MYOM2: variants seen among roughly 807,000 people sequenced by gnomAD.
The protein encoded by MYOM2 is myomesin-2.
Under a neutral mutation model 187.6 loss-of-function variants are expected in MYOM2, and 254 were observed. That is an observed-to-expected ratio of 1.35 (90% confidence interval 1.22 to 1.50). The LOEUF is 1.50. Ranked by LOEUF, MYOM2 falls within the 40% of genes most tolerant of loss-of-function variation. MYOM2 has a pLI of 0.00. For missense variants in MYOM2, 2,796 were observed against 1,924.0 expected (o/e 1.45, Z -8.48); for synonymous variants, 981 against 753.8 (o/e 1.30, Z -4.94).
Position 2,068,150 on chromosome 8 carries a change from G to A in MYOM2, c.654-1128G>A, listed in dbSNP as rs1157301734. Among the ~76,000 whole-genome samples, 4 of 151,940 alleles carry A rather than the reference G, an allele frequency of 2.6e-5. No individual in the cohort carries two copies. In the East Asian group the frequency reaches 7.8e-4, roughly 29 times the overall value. Reference sequence around the variant, plus strand: ...TGTGCGCCAGGCAGAGAGCATACCGGGGGGCGGCAGCTCTTCAATGCCTGT... The same window carrying A: ...TGTGCGCCAGGCAGAGAGCATACCGAGGGGCGGCAGCTCTTCAATGCCTGT... On this transcript the variant is annotated intron_variant, in intron 6 of 36. Coordinates refer to ENST00000262113, the MANE Select transcript of MYOM2 (RefSeq NM_003970.4).
chr8:2,073,458 C>G lies in MYOM2; in HGVS notation c.1078C>G (p.Arg360Gly), dbSNP rs371691940. ...CCTGTACACCCTGCGCATCGTGTCTCGGGGCGGCGTCAGCGACCACAGCGC... is the reference window on the plus strand; with the variant it reads ...CCTGTACACCCTGCGCATCGTGTCTGGGGGCGGCGTCAGCGACCACAGCGC... ...EGLYTLRIVSRGGVSDHSAFL... is the reference protein window; with the variant it reads ...EGLYTLRIVSGGGVSDHSAFL... The change falls in exon 10 of 37, where the codon CGG becomes GGG. Residue 360 changes from arginine to glycine, a missense_variant. By Grantham distance (125) the Arg-to-Gly change is moderately radical. Transcript: ENST00000262113. 4.3e-6 allele frequency: 7 copies of G among 1,610,222 alleles called. No homozygotes were observed. The highest frequency in any genetic ancestry group is 3.3e-5 in the Admixed American group (2 of 59,888).
In MYOM2 at chr8:2,115,964, A is replaced by C. The variant is rs368519542; in HGVS notation, c.3185A>C (p.His1062Pro). ...NDREVSDSEI[H>P]RIKCDKATGI... ...TTTCCCTTGTTTTGCTTGCAGATAC[A>C]CAGAATTAAATGTGACAAAGCTACT... is the stretch of plus-strand genomic sequence containing the variant. Residue 1062 changes from histidine (H) to proline (P), a missense_variant, in exon 26 of 37, where the codon CAC becomes CCC. Physicochemically the swap from His to Pro is moderately conservative, Grantham distance 77. Coordinates refer to ENST00000262113, the MANE Select transcript of MYOM2 (RefSeq NM_003970.4). 9 of 1,608,254 alleles carry C rather than the reference A, an allele frequency of 5.6e-6. No individual in the cohort carries two copies. In the Middle Eastern group the frequency reaches 1.3e-3, roughly 237 times the overall value.
At chr8:2,058,239 A>G (rs1278403724) in intron 5 of MYOM2, among the ~76,000 whole-genome samples, 4 of 151,954 alleles carry the variant, frequency 2.6e-5, no homozygotes, top group Non-Finnish European at 5.9e-5. Flanking sequence ...GGCTGATCTC[A>G]AACTCCTGAC....
In MYOM2 at chr8:2,079,490, G is replaced by T. The variant is rs566829198; in HGVS notation, c.1463-70G>T. ...GCAGAGGAGATGCAGAGCTGGCACA[G>T]AATGAGGGAAAACGGGCTTTTGGGG... On this transcript the variant is annotated intron_variant, in intron 12 of 36. Transcript: ENST00000262113. 9 of 1,482,988 alleles carry T rather than the reference G, an allele frequency of 6.1e-6. No individual in the cohort carries two copies. The African/African-American group carries it at 1.1e-4, about 18-fold the overall frequency. The allele number at this position is 1,482,988 out of a possible 1,614,324, so 91.9% of individuals were successfully genotyped here.
At chr8:2,087,770 C>G (rs1019097052) in intron 14 of MYOM2, among the ~76,000 whole-genome samples, 2 of 152,180 alleles carry the variant, frequency 1.3e-5, no homozygotes, top group Non-Finnish European at 2.9e-5. Context: ...AGGTGTGTGC[C>G]ACCACGCCCA....
At chr8:2,070,145 C>T (rs776531126) in intron 8 of MYOM2, among the ~76,000 whole-genome samples, 46 of 152,176 alleles carry the variant, frequency 3.0e-4, no homozygotes, top group African/African-American at 1.1e-3. Flanking sequence ...ATGAGGGCAT[C>T]TGGAGGACGG....
At chr8:2,131,458 A>G (rs768525872) in intron 32 of MYOM2, among the ~76,000 whole-genome samples, 1 of 151,990 alleles carries the variant, frequency 6.6e-6, no homozygotes, top group Non-Finnish European at 1.5e-5. Context: ...CTAGATAGGC[A>G]GGCAGATCGG....
At chr8:2,132,610 A>G (rs1246811025) in intron 32 of MYOM2, among the ~76,000 whole-genome samples, 1 of 151,938 alleles carries the variant, frequency 6.6e-6, no homozygotes, top group Non-Finnish European at 1.5e-5. Flanking sequence ...TTTTTGAGAC[A>G]GAGTCTTGCT....
In MYOM2 at chr8:2,050,865, G is replaced by C. The variant is rs112978000; in HGVS notation, c.99G>C (p.Ala33=). 740 of 1,608,348 alleles carry C rather than the reference G, an allele frequency of 4.6e-4. 1 individual carries two copies. The highest frequency in any genetic ancestry group is 6.1e-4 in the Non-Finnish European group (720 of 1,175,174). The part of the protein sequence containing the change: ...IQTRYLLDEY[A]SKKRASTQAS... Reference sequence around the variant, plus strand: ...CACGGTACCTGCTGGACGAATATGCGTCAAAAAAGTAAGCTGACATTCGCT... The same window carrying C: ...CACGGTACCTGCTGGACGAATATGCCTCAAAAAAGTAAGCTGACATTCGCT... The change falls in exon 2 of 37, where the codon GCG becomes GCC. Residue 33 remains alanine (A), a synonymous_variant. Coordinates refer to ENST00000262113, the MANE Select transcript of MYOM2 (RefSeq NM_003970.4).
chr8:2,115,130 G>A (rs1797196425), intron 25 of MYOM2, among the ~76,000 whole-genome samples: 1 of 147,350 alleles, frequency 6.8e-6, no homozygotes. Flanking sequence ...GCACAAAAAG[G>A]TAAAAATATC....
chr8:2,104,565 A>C (rs576174683), intron 21 of MYOM2, among the ~76,000 whole-genome samples: 3 of 151,990 alleles, frequency 2.0e-5, no homozygotes, highest in East Asian at 1.9e-4. Context: ...AGATCGCGCC[A>C]CTGCACTCTA....
At chr8:2,098,532 GC>G (rs901240739) in intron 18 of MYOM2, among the ~76,000 whole-genome samples, 1 of 152,170 alleles carries the variant, frequency 6.6e-6, no homozygotes, top group African/African-American at 2.4e-5. Context: ...TTGGCCCTGG[GC>G]AACCGTCGCC....
intron 9 of MYOM2, 28 bp downstream of exon 9, chr8:2,072,537 C>G: frequency 1.9e-6 from 3 of 1,601,652 alleles, no homozygotes; most frequent in Non-Finnish European, 1.7e-6. Flanking sequence ...CAGACCCGGG[C>G]ACACACCAGG....
At chr8:2,141,035 T>A in intron 33 of MYOM2, 106 bp from the exon 34 acceptor site, 1 of 1,336,508 alleles carries the variant, frequency 7.5e-7, no homozygotes, top group African/African-American at 1.5e-5. Context: ...TATTCTTTTT[T>A]TATATATCAG....
intron 13 of MYOM2, chr8:2,085,038 A>C: frequency 2.0e-6 from 1 of 509,736 alleles, no homozygotes; most frequent in Non-Finnish European, 3.4e-6. Flanking sequence ...TTCCTTTCCT[A>C]TGAACAGGCT....
In MYOM2 at chr8:2,086,324, TGC is replaced by T. The variant is rs2116709806; in HGVS notation, c.1644+936_1644+937del. Among the ~76,000 whole-genome samples, 2 of 61,588 alleles carry T rather than the reference TGC, an allele frequency of 3.2e-5. 1 individual carries two copies. The highest frequency in any genetic ancestry group is 3.4e-4 in the Admixed American group (2 of 5,814). 40.4% of individuals were successfully genotyped at this position (61,588 alleles called of 152,430 possible). A position where few individuals can be genotyped will look rare whatever the true frequency, so the allele number is the denominator to read the frequency against. ...CGTGGCCCCCCACAGTCGTGATCTC[TGC>T]GTGGCCCCCCACTGTTGTGATCTCT... On this transcript the variant is annotated intron_variant, in intron 14 of 36. Transcript: ENST00000262113.
intron 28 of MYOM2, among the ~76,000 whole-genome samples, chr8:2,120,665 T>TA (rs1268552183): frequency 1.9e-4 from 1 of 5,400 alleles, no homozygotes; most frequent in Non-Finnish European, 3.3e-4. Flanking sequence ...CCTGTATATA[T>TA]ATATATATAT....
intron 8 of MYOM2, among the ~76,000 whole-genome samples, chr8:2,070,465 G>A (rs1033336707): frequency 2.0e-5 from 3 of 152,194 alleles, no homozygotes; most frequent in African/African-American, 4.8e-5. Flanking sequence ...AGGGCAGGCA[G>A]GGATCAGTCC....
At chr8:2,120,518 A>T (rs900922771) in intron 28 of MYOM2, among the ~76,000 whole-genome samples, 2 of 150,360 alleles carry the variant, frequency 1.3e-5, no homozygotes, top group Non-Finnish European at 3.0e-5. Context: ...AGGATGGGGC[A>T]TGGGGGTTTG....
Sources: gnomAD v4.1 joint callset for allele counts (sites outside exome capture counted in the v4.1 genomes callset) on GRCh38, gnomAD v4.1.1 for gene constraint, MANE v1.5 for transcripts, NCBI Gene and HGNC (gene_info 2026-07-23, HGNC 2026-07-21) for gene names.